The following CAMTA1 variants were observed in gnomAD, a reference collection of about 807,000 sequenced individuals.
The protein encoded by CAMTA1 is calmodulin-binding transcription activator 1.
CAMTA1 carries 27 observed loss-of-function variants against 170.9 expected under a neutral mutation model. The observed-to-expected ratio is 0.16, with a 90% confidence interval of 0.12 to 0.22. The LOEUF is 0.22. Among genes scored for constraint, CAMTA1 ranks in the 10% least tolerant of loss-of-function variants. CAMTA1 has a pLI of 1.00. For missense variants in CAMTA1, 1,619 were observed against 2,217.2 expected (o/e 0.73, Z 5.42); for synonymous variants, 833 against 891.5 (o/e 0.93, Z 1.17).
At chr1:6,926,212 GA>G (rs1683046837) in intron 3 of CAMTA1, among the ~76,000 whole-genome samples, 1 of 152,166 alleles carries the variant, frequency 6.6e-6, no homozygotes, top group South Asian at 2.1e-4. Context: ...GTTGGGAGGG[GA>G]TGGGCCAAGT....
intron 4 of CAMTA1, among the ~76,000 whole-genome samples, chr1:7,246,670 CTTTTTTTTTTT>C (rs34382670): frequency 1.4e-5 from 1 of 73,930 alleles, no homozygotes; most frequent in Non-Finnish European, 2.4e-5. Context: ...CTCTGACCTG[CTTTTTTTTTTT>C]TTTTTTTTTT....
At chr1:7,231,703 C>T (rs1047356762) in intron 4 of CAMTA1, among the ~76,000 whole-genome samples, 18 of 152,180 alleles carry the variant, frequency 1.2e-4, no homozygotes, top group Non-Finnish European at 2.4e-4. Context: ...CTATGTGGCT[C>T]CGATGAGATG....
chr1:6,956,264 C>T (rs1267628142), intron 3 of CAMTA1, among the ~76,000 whole-genome samples: 1 of 152,082 alleles, frequency 6.6e-6, no homozygotes, highest in Non-Finnish European at 1.5e-5. Flanking sequence ...AGAAAATATT[C>T]CCCCTTCCCT....
At position 7,668,426 on chromosome 1, in the gene CAMTA1, CACA is replaced by C. The variant is rs2096021907; in HGVS notation, c.2653-2484_2653-2482del. Among the ~76,000 whole-genome samples, 25 of 129,108 alleles carry C rather than the reference CACA, an allele frequency of 1.9e-4. No individual in the cohort carries two copies. In the Admixed American group the frequency reaches 2.0e-3, roughly 11 times the overall value. The allele number at this position is 129,108 out of a possible 152,430, so 84.7% of individuals were successfully genotyped here. A position where few individuals can be genotyped will look rare whatever the true frequency, so the allele number is the denominator to read the frequency against. On this transcript the variant is annotated intron_variant, in intron 9 of 22. Coordinates refer to ENST00000303635, the MANE Select transcript of CAMTA1 (RefSeq NM_015215.4). ...ACACACACACACACACACACACACA[CACA>C]CACCCACCACACACCCCAGAGGCGT...
chr1:7,360,449 T>C (rs1235677492), intron 5 of CAMTA1, among the ~76,000 whole-genome samples: 3 of 152,190 alleles, frequency 2.0e-5, no homozygotes, highest in Non-Finnish European at 4.4e-5. Context: ...ATCTCAGGTC[T>C]ACCATTCACC....
At chr1:7,721,208 G>A (rs1051091520) in intron 11 of CAMTA1, among the ~76,000 whole-genome samples, 1 of 152,168 alleles carries the variant, frequency 6.6e-6, no homozygotes, top group Non-Finnish European at 1.5e-5. Context: ...TTAGGACCCA[G>A]GGCAAAATGT....
chr1:7,602,597 A>G (rs1399542111), intron 6 of CAMTA1, among the ~76,000 whole-genome samples: 2 of 152,128 alleles, frequency 1.3e-5, no homozygotes, highest in East Asian at 3.9e-4. Flanking sequence ...TGATCTTTTC[A>G]AAAAACCAGC....
rs60524573 is a variant in CAMTA1 at position 7,353,410 on chromosome 1, C to CTT, written c.438+103795_438+103796dup. Among the ~76,000 whole-genome samples, 14 of 134,884 alleles carry CTT rather than the reference C, an allele frequency of 1.0e-4. No homozygotes were observed. In the East Asian group the frequency reaches 1.1e-3, roughly 10 times the overall value. 88.5% of individuals were successfully genotyped at this position (134,884 alleles called of 152,430 possible). ...AACTTAATACAACCAAATCTGAACT[C>CTT]TTTTTTTTTTTTCTTTCTCTCTTTT... On this transcript the variant is annotated intron_variant, in intron 5 of 22. Coordinates refer to ENST00000303635, the MANE Select transcript of CAMTA1 (RefSeq NM_015215.4).
intron 4 of CAMTA1, among the ~76,000 whole-genome samples, chr1:7,103,405 G>GCA (rs1028346891): frequency 9.6e-6 from 1 of 104,164 alleles, no homozygotes; most frequent in African/African-American, 3.7e-5. Context: ...AACTACACAC[G>GCA]CACACACACA....
At position 7,547,881 on chromosome 1, in the gene CAMTA1, G is replaced by T. The variant is rs1434067412; in HGVS notation, c.510+79980G>T. 6.6e-6 allele frequency among the ~76,000 whole-genome samples: 1 copy of T among 151,998 alleles called. No individual in the cohort carries two copies. Among genetic ancestry groups the T allele is most frequent in the Non-Finnish European group, 1.5e-5 (1 of 68,002 alleles). Reference sequence around the variant, plus strand: ...CCCTTGCAAGGGCACTCCACTGTGTGGACCCCCCACTCACCCGTCAATATG... The same window carrying T: ...CCCTTGCAAGGGCACTCCACTGTGTTGACCCCCCACTCACCCGTCAATATG... On this transcript the variant is annotated intron_variant, in intron 6 of 22. Transcript: ENST00000303635. The surrounding 1 kb of genome is among the most constrained non-coding windows in gnomAD (Gnocchi z 5.7).
chr1:7,584,219 T>G (rs2095288026), intron 6 of CAMTA1, among the ~76,000 whole-genome samples: 1 of 151,766 alleles, frequency 6.6e-6, no homozygotes, highest in Non-Finnish European at 1.5e-5. Flanking sequence ...CATGGGGTCT[T>G]ACAGTAGGGG....
rs182018941 is a variant in CAMTA1 at position 7,467,778 on chromosome 1, C to T, written c.439-52C>T. 3.2e-3 allele frequency: 3,978 copies of T among 1,244,094 alleles called. 12 individuals carry two copies. Among genetic ancestry groups the T allele is most frequent in the Non-Finnish European group, 3.7e-3 (3,100 of 843,018 alleles). 77.1% of individuals were successfully genotyped at this position (1,244,094 alleles called of 1,614,324 possible). On this transcript the variant is annotated intron_variant, in intron 5 of 22. Transcript: ENST00000303635. The stretch of plus-strand genomic sequence containing the variant: ...CTTCTCTGTTGCGCCGTCTTCCTTC[C>T]TTCCTTCCTTCCCTCTTTCCAACTG...
chr1:7,438,233 C>T (rs1277846289), intron 5 of CAMTA1, among the ~76,000 whole-genome samples: 5 of 152,108 alleles, frequency 3.3e-5, no homozygotes, highest in Non-Finnish European at 5.9e-5. Flanking sequence ...GGTCAGAGGT[C>T]TTGAGACTGG....
intron 6 of CAMTA1, among the ~76,000 whole-genome samples, chr1:7,505,031 C>T (rs1403962285): frequency 6.6e-6 from 1 of 150,746 alleles, no homozygotes; most frequent in Non-Finnish European, 1.5e-5. Context: ...GGCACAAGCA[C>T]ACAGATGCCT....
chr1:7,362,225 T>C lies in CAMTA1; in HGVS notation c.439-105605T>C, dbSNP rs186354468. ...TTATGATTGGTGGGCCTGGGTAGAA[T>C]TGATGAACTTGAGCAGAGTTGGTGG... is the stretch of plus-strand genomic sequence containing the variant. On this transcript the variant is annotated intron_variant, in intron 5 of 22. Coordinates refer to ENST00000303635, the MANE Select transcript of CAMTA1 (RefSeq NM_015215.4). Among the ~76,000 whole-genome samples, 35 of 152,352 alleles carry C rather than the reference T, an allele frequency of 2.3e-4. 1 individual carries two copies. Among genetic ancestry groups the C allele is most frequent in the Admixed American group, 2.1e-3 (32 of 15,308 alleles).
At chr1:7,073,928 C>A (rs930704728) in intron 3 of CAMTA1, among the ~76,000 whole-genome samples, 5 of 152,138 alleles carry the variant, frequency 3.3e-5, no homozygotes, top group Non-Finnish European at 5.9e-5. Flanking sequence ...AAAATGGAGA[C>A]AAAGACAACA....
rs111786339 is a variant in CAMTA1, at chr1:6,968,616, C to T, written c.235-122688C>T. On this transcript the variant is annotated intron_variant, in intron 3 of 22. Transcript: ENST00000303635. ...TTAGGATTGTGATCGATGTGTGTCT[C>T]GGAAGCACAAGGGGTTACTGGAGCA... 1.5e-4 allele frequency among the ~76,000 whole-genome samples: 23 copies of T among 152,100 alleles called. 1 individual carries two copies. Among genetic ancestry groups the T allele is most frequent in the South Asian group, 4.2e-4 (2 of 4,804 alleles).
chr1:7,729,124 C>CTTT (rs1199701791), intron 11 of CAMTA1, among the ~76,000 whole-genome samples: 1 of 120,212 alleles, frequency 8.3e-6, no homozygotes, highest in African/African-American at 2.9e-5. Flanking sequence ...CTTTTTTTTT[C>CTTT]TTTTTTTTTT....
At chr1:7,594,200 G>GAAGGAAGGAAGGAA (rs2095378699) in intron 6 of CAMTA1, among the ~76,000 whole-genome samples, 1 of 113,670 alleles carries the variant, frequency 8.8e-6, no homozygotes, top group African/African-American at 4.2e-5. Context: ...AAGGAGGGAG[G>GAAGGAAGGAAGGAA]GGAAGGAAGG....
Sources: allele counts gnomAD v4.1 joint callset (sites outside exome capture counted in the v4.1 genomes callset), GRCh38; gene constraint gnomAD v4.1.1; non-coding constraint Gnocchi (gnomAD v3.1); transcripts MANE v1.5; gene names NCBI Gene and HGNC (gene_info 2026-07-23, HGNC 2026-07-21).